The following PCDH15 variants were observed in gnomAD, a reference collection of about 807,000 sequenced individuals.
PCDH15 encodes protocadherin-15.
A neutral mutation model predicts 178.5 loss-of-function variants in PCDH15; 129 were observed. The ratio of observed to expected loss-of-function variants is 0.72; its 90% CI spans 0.63 to 0.84. The LOEUF is 0.84. Ranked by LOEUF, PCDH15 falls within the 40% of genes least tolerant of loss-of-function variation. The pLI, the probability that PCDH15 is intolerant of heterozygous loss-of-function variation, is 0.00. For synonymous variants in PCDH15, 800 were observed against 732.0 expected (o/e 1.09, Z -1.50); for missense variants, 2,230 against 2,099.9 (o/e 1.06, Z -1.21).
At chr10:55,325,885 C>T (rs994119190) in intron 2 of PCDH15, among the ~76,000 whole-genome samples, 2 of 151,766 alleles carry the variant, frequency 1.3e-5, no homozygotes, top group African/African-American at 2.4e-5. Flanking sequence ...GAACTTAAGT[C>T]GACAAGCATA....
At chr10:53,851,137 G>A (rs1046791340) in intron 28 of PCDH15, among the ~76,000 whole-genome samples, 1 of 151,890 alleles carries the variant, frequency 6.6e-6, no homozygotes, top group Non-Finnish European at 1.5e-5. Context: ...ATAGTCAAAC[G>A]ACTTTTTCCA....
intron 15 of PCDH15, among the ~76,000 whole-genome samples, chr10:54,110,751 G>A (rs117354766): frequency 0.01 from 1,554 of 152,190 alleles, 18 homozygotes; most frequent in African/African-American, 0.024. Context: ...TGAGACAAGT[G>A]TATGACTGGG....
At chr10:54,463,401 G>T (rs2077320320) in intron 3 of PCDH15, among the ~76,000 whole-genome samples, 1 of 152,124 alleles carries the variant, frequency 6.6e-6, no homozygotes, top group South Asian at 2.1e-4. Flanking sequence ...TAAGCAATCT[G>T]AGACCTAGTA....
intron 2 of PCDH15, among the ~76,000 whole-genome samples, chr10:55,082,370 T>C (rs1191754944): frequency 6.6e-6 from 1 of 151,018 alleles, no homozygotes; most frequent in Non-Finnish European, 1.5e-5. Context: ...CAAACAAAAA[T>C]GAAAACACAA....
intron 32 of PCDH15, chr10:53,821,305 C>T: frequency 3.0e-6 from 3 of 986,622 alleles, no homozygotes; most frequent in Non-Finnish European, 3.6e-6. Context: ...GTTATAGCAC[C>T]TGAGATTTAT....
chr10:53,843,076 C>CT (rs1457736693), intron 28 of PCDH15, among the ~76,000 whole-genome samples: 1 of 152,110 alleles, frequency 6.6e-6, no homozygotes, highest in Non-Finnish European at 1.5e-5. Context: ...GTACCAATTC[C>CT]TTCATGGTAG....
At chr10:54,753,975 A>AT (rs60529059) in intron 1 of PCDH15, among the ~76,000 whole-genome samples, 26,473 of 138,852 alleles carry the variant, frequency 0.19, 2,548 homozygotes, top group East Asian at 0.24. Context: ...CGGCCGGCTG[A>AT]TTTTTTTTTT....
chr10:55,482,146 A>T (rs1194900495), intron 2 of PCDH15, among the ~76,000 whole-genome samples: 1 of 151,470 alleles, frequency 6.6e-6, no homozygotes, highest in African/African-American at 2.4e-5. Context: ...TAGGATTGCA[A>T]CCTCTGCTTT....
At chr10:54,699,284 C>T (rs868606167) in intron 1 of PCDH15, among the ~76,000 whole-genome samples, 6 of 151,970 alleles carry the variant, frequency 3.9e-5, no homozygotes, top group African/African-American at 1.4e-4. Flanking sequence ...AAACTAGTCA[C>T]TTACATGTTC....
rs55765914 is a variant in PCDH15 at position 55,395,196 on chromosome 10, T to TGAGA, written c.-155-228549_-155-228546dup. Among the ~76,000 whole-genome samples, 153 of 126,684 alleles carry TGAGA rather than the reference T, an allele frequency of 1.2e-3. No homozygotes were observed. The East Asian group carries it at 0.024, about 20-fold the overall frequency. 83.1% of individuals were successfully genotyped at this position (126,684 alleles called of 152,430 possible). ...GTGTGTGTGTGTGTGTGTGTGTGTG[T>TGAGA]GAGAGAGAGAGAGAGAGAGAGAGAG... On this transcript the variant is annotated intron_variant, in intron 2 of 5. Coordinates refer to the PCDH15 transcript ENST00000613346.
chr10:53,985,747 T>G (rs189797579), intron 21 of PCDH15, among the ~76,000 whole-genome samples: 57 of 152,248 alleles, frequency 3.7e-4, no homozygotes, highest in African/African-American at 1.2e-3. Context: ...CTACAACTTA[T>G]GCTCAGGTTC....
chr10:53,959,928 A>G, intron 22 of PCDH15, 84 bp from the exon 23 acceptor site: 1 of 1,057,728 alleles, frequency 9.5e-7, no homozygotes, highest in Non-Finnish European at 1.4e-6. Flanking sequence ...GTTTTTACTT[A>G]TTGGATTGCC....
At chr10:54,175,575 C>A (rs1383790443) in intron 13 of PCDH15, among the ~76,000 whole-genome samples, 1 of 152,118 alleles carries the variant, frequency 6.6e-6, no homozygotes, top group African/African-American at 2.4e-5. Context: ...AATCACAACA[C>A]TCTTTTGAGG....
intron 2 of PCDH15, among the ~76,000 whole-genome samples, chr10:55,613,611 T>C (rs181236480): frequency 1.3e-5 from 2 of 152,316 alleles, no homozygotes; most frequent in African/African-American, 4.8e-5. Context: ...CAATGATCCC[T>C]ATTTCTTTTT....
intron 37 of PCDH15, chr10:53,809,204 A>G (rs1416580433): frequency 1.2e-6 from 2 of 1,613,882 alleles, no homozygotes; most frequent in Non-Finnish European, 1.7e-6. Context: ...GACTCACTGA[A>G]CTCAGACTCT....
intron 18 of PCDH15, among the ~76,000 whole-genome samples, chr10:54,049,643 C>T (rs577542580): frequency 2.3e-4 from 34 of 148,046 alleles, no homozygotes; most frequent in South Asian, 6.4e-4. Flanking sequence ...TTTTTTGAGA[C>T]GGAGTCTCGC....
At chr10:54,333,418 C>G (rs1229195525) in intron 6 of PCDH15, among the ~76,000 whole-genome samples, 2 of 151,676 alleles carry the variant, frequency 1.3e-5, no homozygotes, top group African/African-American at 4.8e-5. Context: ...GAATAATAAT[C>G]AAGAAAATTA....
At chr10:53,905,910 A>G (rs1270652934) in intron 25 of PCDH15, among the ~76,000 whole-genome samples, 2 of 151,964 alleles carry the variant, frequency 1.3e-5, no homozygotes, top group Non-Finnish European at 2.9e-5. Context: ...TGACTATACA[A>G]TACAAAATTC....
intron 2 of PCDH15, among the ~76,000 whole-genome samples, chr10:55,592,206 T>G (rs907939110): frequency 5.3e-5 from 8 of 152,182 alleles, no homozygotes; most frequent in African/African-American, 1.9e-4. Context: ...TCAAACTTGC[T>G]CTGTGCACCC....
Sources: allele counts gnomAD v4.1 joint callset (sites outside exome capture counted in the v4.1 genomes callset), GRCh38; gene constraint gnomAD v4.1.1; transcripts MANE v1.5; gene names NCBI Gene and HGNC (gene_info 2026-07-23, HGNC 2026-07-21).